Variants in PI15 observed in about 807,000 individuals in gnomAD.
PI15 encodes the protein peptidase inhibitor 15.
PI15 carries 18 observed loss-of-function variants against 31.0 expected under a neutral mutation model. That is an observed-to-expected ratio of 0.58 (90% CI 0.40 to 0.86). The LOEUF is 0.86. Among genes scored for constraint, PI15 ranks in the 40% least tolerant of loss-of-function variants. The pLI is 0.00. For synonymous variants in PI15, 118 were observed against 119.1 expected (o/e 0.99, Z 0.06); for missense variants, 282 against 328.1 (o/e 0.86, Z 1.09).
chr8:74,834,627 G>T (rs1298654073), intron 2 of PI15, among the ~76,000 whole-genome samples: 1 of 152,110 alleles, frequency 6.6e-6, no homozygotes, highest in Non-Finnish European at 1.5e-5. Context: ...GAAAGTCAAG[G>T]CACTCCCACC....
intron 2 of PI15, among the ~76,000 whole-genome samples, chr8:74,826,559 A>G (rs944933493): frequency 6.6e-6 from 1 of 152,076 alleles, no homozygotes; most frequent in Non-Finnish European, 1.5e-5. Context: ...TACAATTTAG[A>G]CTCTGTGAAA....
chr8:74,834,527 T>C (rs192774595), intron 2 of PI15, among the ~76,000 whole-genome samples: 101 of 152,322 alleles, frequency 6.6e-4, no homozygotes, highest in Non-Finnish European at 1.2e-3. Flanking sequence ...ATCCAGATGA[T>C]GCCAGCATAA....
Position 74,825,498 on chromosome 8 carries a change from A to G in PI15, c.249A>G (p.Pro83=), listed in dbSNP as rs139608762. 2.0e-3 allele frequency: 3,167 copies of G among 1,611,284 alleles called. 4 individuals are homozygous for G. The highest frequency in any genetic ancestry group is 2.1e-3 in the Non-Finnish European group (2,440 of 1,178,502). Reference sequence around the variant, plus strand: ...ATCAAGTTCGGGGCAAAGTGTTCCCACCGGCAGCAAATATGGAATATATGG... The same window carrying G: ...ATCAAGTTCGGGGCAAAGTGTTCCCGCCGGCAGCAAATATGGAATATATGG... The part of the protein sequence containing the change: ...YHNQVRGKVF[P]PAANMEYMVW... The change falls in exon 2 of 6, where the codon CCA becomes CCG. Residue 83 remains proline, a synonymous_variant. Transcript: ENST00000260113.
At chr8:74,833,141 T>C (rs1810811961) in intron 2 of PI15, among the ~76,000 whole-genome samples, 1 of 152,080 alleles carries the variant, frequency 6.6e-6, no homozygotes, top group Non-Finnish European at 1.5e-5. Context: ...AAATTAGTTA[T>C]TAAAATATAC....
intron 2 of PI15, among the ~76,000 whole-genome samples, chr8:74,842,994 G>T (rs1810965983): frequency 6.6e-6 from 1 of 152,056 alleles, no homozygotes; most frequent in Non-Finnish European, 1.5e-5. Flanking sequence ...TACCACCAAT[G>T]ATTCAAATTA....
At chr8:74,834,115 C>T (rs1227624788) in intron 2 of PI15, among the ~76,000 whole-genome samples, 2 of 152,112 alleles carry the variant, frequency 1.3e-5, no homozygotes, top group African/African-American at 4.8e-5. Context: ...CCACATTCCT[C>T]CCTGGAAGAA....
chr8:74,830,950 C>G (rs1810773811), intron 2 of PI15, among the ~76,000 whole-genome samples: 1 of 152,134 alleles, frequency 6.6e-6, no homozygotes, highest in South Asian at 2.1e-4. Flanking sequence ...CATTCCTGCT[C>G]TCCTGGATGT....
intron 2 of PI15, among the ~76,000 whole-genome samples, chr8:74,834,341 T>C (rs1679637381): frequency 6.6e-6 from 1 of 152,208 alleles, no homozygotes; most frequent in Non-Finnish European, 1.5e-5. Flanking sequence ...GTATTATTTA[T>C]ACCCTTGGAA....
Position 74,825,217 on chromosome 8 carries a change from A to C in PI15, c.-33A>C. 1.2e-6 allele frequency: 2 copies of C among 1,606,190 alleles called. No homozygotes were observed. The highest frequency in any genetic ancestry group is 2.2e-5 in the South Asian group (2 of 90,902). On this transcript the variant is annotated 5_prime_UTR_variant, in exon 2 of 6. Transcript: ENST00000260113. ...TACCTTTCTGCTTTAAAGCAAAGTA[A>C]ACTCGGTGGCCTCTTCTTCTCCACC...
At chr8:74,835,172 T>A (rs1451090968) in intron 2 of PI15, among the ~76,000 whole-genome samples, 1 of 152,140 alleles carries the variant, frequency 6.6e-6, no homozygotes, top group Non-Finnish European at 1.5e-5. Context: ...CTTACCCCCA[T>A]CCCTTCAAAT....
At chr8:74,843,449 C>T (rs1035014003) in intron 2 of PI15, among the ~76,000 whole-genome samples, 12 of 152,260 alleles carry the variant, frequency 7.9e-5, no homozygotes, top group Middle Eastern at 3.4e-3. Context: ...TTTAGGAGGT[C>T]TGGAGTGGTG....
At position 74,849,041 on chromosome 8, in the gene PI15, C is replaced by A. The variant is rs549148253; in HGVS notation, c.642-77C>A. 15 of 1,280,046 alleles carry A rather than the reference C, an allele frequency of 1.2e-5. No individual in the cohort carries two copies. The Middle Eastern group carries it at 7.6e-4, about 65-fold the overall frequency. 79.3% of individuals were successfully genotyped at this position (1,280,046 alleles called of 1,614,324 possible). A position where few individuals can be genotyped will look rare whatever the true frequency, so the allele number is the denominator to read the frequency against. On this transcript the variant is annotated intron_variant, in intron 5 of 5. Coordinates refer to ENST00000260113, the MANE Select transcript of PI15 (RefSeq NM_015886.5). The stretch of plus-strand genomic sequence containing the variant: ...ATCATCACATGTCAATACTTGTGAA[C>A]ATATGGCTTAAGGACAATCTACTTT...
At chr8:74,832,519 A>T (rs560117837) in intron 2 of PI15, among the ~76,000 whole-genome samples, 1 of 150,830 alleles carries the variant, frequency 6.6e-6, no homozygotes, top group Non-Finnish European at 1.5e-5. Flanking sequence ...GCAAGAAAAT[A>T]CCCCCCTCTG....
intron 5 of PI15, among the ~76,000 whole-genome samples, chr8:74,847,938 A>G (rs1209861360): frequency 6.6e-6 from 1 of 152,102 alleles, no homozygotes; most frequent in Admixed American, 6.6e-5. Flanking sequence ...CTGTCTTCAC[A>G]TTGCTGTCTA....
intron 2 of PI15, among the ~76,000 whole-genome samples, chr8:74,842,368 T>C (rs551086214): frequency 6.0e-4 from 91 of 152,272 alleles, no homozygotes; most frequent in Middle Eastern, 6.8e-3. Flanking sequence ...AACCACTCTC[T>C]AGTCACAATG....
chr8:74,826,289 G>A lies in PI15; in HGVS notation c.273+767G>A, dbSNP rs771011310. The A allele has an allele frequency of 5.4e-4, 528 of 977,770 alleles. 1 individual carries two copies. Among genetic ancestry groups the A allele is most frequent in the African/African-American group, 7.2e-4 (41 of 57,108 alleles). The allele number at this position is 977,770 out of a possible 1,614,324, so 60.6% of individuals were successfully genotyped here. On this transcript the variant is annotated intron_variant, in intron 2 of 5. Transcript: ENST00000260113. Reference sequence around the variant, plus strand: ...GCAAGGTTATGATTTAAAGTCCAGCGTCTTACAAGAGCACAGCTTGGAGCC... The same window carrying A: ...GCAAGGTTATGATTTAAAGTCCAGCATCTTACAAGAGCACAGCTTGGAGCC...
intron 2 of PI15, among the ~76,000 whole-genome samples, chr8:74,828,688 G>A (rs1043335481): frequency 6.6e-6 from 1 of 152,048 alleles, no homozygotes; most frequent in Admixed American, 6.6e-5. Flanking sequence ...ACAGATATAT[G>A]TGCTGTGATC....
chr8:74,848,667 A>G (rs1398363116), intron 5 of PI15, among the ~76,000 whole-genome samples: 3 of 149,116 alleles, frequency 2.0e-5, no homozygotes, highest in Non-Finnish European at 4.4e-5. Context: ...AAATTAATAT[A>G]GCATCAACAA....
rs2128762980 is a variant in PI15, at chr8:74,825,435, T to C, written c.186T>C (p.Ile62=). The C allele has an allele frequency of 6.2e-7, 1 of 1,613,144 alleles. No homozygotes were observed. Among genetic ancestry groups the C allele is most frequent in the African/African-American group, 1.3e-5 (1 of 74,950 alleles). Residue 62 remains isoleucine, a synonymous_variant, in exon 2 of 6, where the codon ATT becomes ATC. Transcript: ENST00000260113. ...DIPKARRKRY[I]SQNDMIAILD... is the part of the protein sequence containing the mutation. ...CCAAAGCCAGGCGGAAGCGCTACATTTCGCAGAATGACATGATCGCCATTC... is the reference window on the plus strand; with the variant it reads ...CCAAAGCCAGGCGGAAGCGCTACATCTCGCAGAATGACATGATCGCCATTC...
Sources: allele counts gnomAD v4.1 joint callset (sites outside exome capture counted in the v4.1 genomes callset), GRCh38; gene constraint gnomAD v4.1.1; transcripts MANE v1.5; gene names NCBI Gene and HGNC (gene_info 2026-07-23, HGNC 2026-07-21).